ZNF135: variants seen among roughly 807,000 people sequenced by gnomAD.
ZNF135 encodes the protein zinc finger protein 135 (clone pHZ-17).
Under a neutral mutation model 12.3 loss-of-function variants are expected in ZNF135, and 11 were observed. The ratio of observed to expected loss-of-function variants is 0.89; its 90% CI spans 0.56 to 1.48. ZNF135 has a LOEUF of 1.48. ZNF135 is among the 40% of genes most tolerant of loss of function. The pLI is 0.00. For missense variants in ZNF135, 722 were observed against 815.7 expected (o/e 0.89, Z 1.40); for synonymous variants, 316 against 312.0 (o/e 1.01, Z -0.14).
chr19:58,062,607 G>C (rs10409766), intron 3 of ZNF135, among the ~76,000 whole-genome samples: 4,139 of 150,372 alleles, frequency 0.028, 151 homozygotes, highest in African/African-American at 0.094. Context: ...TAGCCAGGAT[G>C]GTCTCGATCT....
In ZNF135 at chr19:58,065,148, A is replaced by G. The variant is rs955172759; in HGVS notation, c.257-1593A>G. ...ATAATAAAGATGTCAGCAGGGCATC[A>G]TTCCTTCTGGAGGCTCTAGGGAAGG... On this transcript the variant is annotated intron_variant, in intron 4 of 4. Transcript: ENST00000313434. The surrounding 1 kb of genome is among the most constrained non-coding windows in gnomAD (Gnocchi z 4.0). 6.6e-6 allele frequency among the ~76,000 whole-genome samples: 1 copy of G among 152,200 alleles called. No individual in the cohort carries two copies. The highest frequency in any genetic ancestry group is 1.5e-5 in the Non-Finnish European group (1 of 68,028).
Position 58,063,337 on chromosome 19 carries a change from CAG to C in ZNF135, c.161-108_161-107del, listed in dbSNP as rs1491173021. On this transcript the variant is annotated intron_variant, in intron 3 of 4. Transcript: ENST00000313434. This position sits in a 1 kb window ranked among gnomAD's most constrained non-coding sequence, Gnocchi z 4.4. The stretch of plus-strand genomic sequence containing the variant: ...TGTGGGTATGACAGCTGAAGTCACT[CAG>C]GGGTCCCCAGCCATCTGGGACCTGG... The C allele has an allele frequency of 5.3e-6, 8 of 1,501,102 alleles. No individual in the cohort carries two copies. Among genetic ancestry groups the C allele is most frequent in the Non-Finnish European group, 5.4e-6 (6 of 1,119,812 alleles). The allele number at this position is 1,501,102 out of a possible 1,614,324, so 93.0% of individuals were successfully genotyped here.
Position 58,067,976 on chromosome 19 carries a change from G to A in ZNF135, c.1492G>A (p.Asp498Asn), listed in dbSNP as rs1421298108. The A allele has an allele frequency of 1.2e-6, 2 of 1,613,782 alleles. No individual in the cohort carries two copies. Among genetic ancestry groups the A allele is most frequent in the Non-Finnish European group, 1.7e-6 (2 of 1,179,964 alleles). The change falls in exon 5 of 5, where the codon GAC (aspartate) becomes AAC (asparagine). Residue 498 changes from aspartate to asparagine, a missense_variant. Transcript: ENST00000313434. ...HTGEKPYECN[D>N]CGKAFSHSSS... The stretch of plus-strand genomic sequence containing the variant: ...AGGGGAGAAGCCCTATGAATGCAAT[G>A]ACTGCGGCAAGGCATTCAGTCACAG...
At position 58,060,503 on chromosome 19, in the gene ZNF135, G is replaced by A; in HGVS notation, c.33+468G>A. 1 of 993,330 alleles carries A rather than the reference G, an allele frequency of 1.0e-6. No homozygotes were observed. The highest frequency in any genetic ancestry group is 4.8e-4 in the Middle Eastern group (1 of 2,070). 61.5% of individuals were successfully genotyped at this position (993,330 alleles called of 1,614,324 possible). On this transcript the variant is annotated intron_variant, in intron 2 of 4. Coordinates refer to ENST00000313434, the MANE Select transcript of ZNF135 (RefSeq NM_001289401.2). The surrounding 1 kb of genome is among the most constrained non-coding windows in gnomAD (Gnocchi z 4.9). ...AGAAAATTGTAGGTGCCCCGGCTCTGCAGTCTGAAGTTGAAGGCCTTAGCA... is the reference window on the plus strand; with the variant it reads ...AGAAAATTGTAGGTGCCCCGGCTCTACAGTCTGAAGTTGAAGGCCTTAGCA...
In ZNF135 at chr19:58,063,975, G is replaced by A. The variant is rs1431062549; in HGVS notation, c.256+434G>A. 6.6e-6 allele frequency among the ~76,000 whole-genome samples: 1 copy of A among 152,196 alleles called. No individual in the cohort carries two copies. Among genetic ancestry groups the A allele is most frequent in the Non-Finnish European group, 1.5e-5 (1 of 68,024 alleles). On this transcript the variant is annotated intron_variant, in intron 4 of 4. Transcript: ENST00000313434. The surrounding 1 kb of genome is among the most constrained non-coding windows in gnomAD (Gnocchi z 4.4). ...GTATTTCAGGCAGAGGAAACAGCAG[G>A]TGCAAAGGCCTGAAGTCATGCATCA...
intron 4 of ZNF135, among the ~76,000 whole-genome samples, chr19:58,064,713 CTACAAAAAAAAAA>C (rs2074037609): frequency 9.7e-6 from 1 of 102,810 alleles, no homozygotes; most frequent in Non-Finnish European, 2.1e-5. Flanking sequence ...AACCCCGTCT[CTACAAAAAAAAAA>C]TACAAAAAAA....
intron 4 of ZNF135, among the ~76,000 whole-genome samples, chr19:58,066,494 CTCCTCTTCCTTTCCTTATTCTGTTCTT>C (rs1599929430): frequency 6.6e-6 from 1 of 152,298 alleles, no homozygotes; most frequent in African/African-American, 2.4e-5. Flanking sequence ...TTTCCTCCCT[CTCCTCTTCCTTTCCTTATTCTGTTCTT>C]TCCTCTTCCT....
chr19:58,066,929 T>C lies in ZNF135; in HGVS notation c.445T>C (p.Phe149Leu). 6.2e-7 allele frequency: 1 copy of C among 1,614,194 alleles called. No homozygotes were observed. Residue 149 changes from phenylalanine to leucine, a missense_variant, in exon 5 of 5, where the codon TTC (phenylalanine) becomes CTC (leucine). Phe to Leu is a conservative substitution (Grantham distance 22). Transcript: ENST00000313434. ...SLESLAVPVAFTPVKTPVLEQ... is the reference protein window; with the variant it reads ...SLESLAVPVALTPVKTPVLEQ... ...AGAGAGCCTGGCAGTGCCGGTGGCC[T>C]TCACGCCTGTGAAGACGCCTGTTCT...
chr19:58,067,161 G>A lies in ZNF135; in HGVS notation c.677G>A (p.Ser226Asn), dbSNP rs1490304004. 4 of 1,614,094 alleles carry A rather than the reference G, an allele frequency of 2.5e-6. No individual in the cohort carries two copies. Among genetic ancestry groups the A allele is most frequent in the Non-Finnish European group, 3.4e-6 (4 of 1,180,034 alleles). ...GAATGCGGAAAGGCCTTTAGTCACA[G>A]CTCAGCACTTATCGAACACCACCGG... ...CQECGKAFSH[S>N]SALIEHHRTH... The change falls in exon 5 of 5, where the codon AGC becomes AAC. Residue 226 changes from serine to asparagine, a missense_variant. By Grantham distance (46) the Ser-to-Asn change is conservative. Coordinates refer to ENST00000313434, the MANE Select transcript of ZNF135 (RefSeq NM_001289401.2).
chr19:58,060,303 GT>G lies in ZNF135; in HGVS notation c.33+269del, dbSNP rs2073953353. The G allele has an allele frequency of 7.3e-7, 1 of 1,366,298 alleles. No homozygotes were observed. Among genetic ancestry groups the G allele is most frequent in the Non-Finnish European group, 9.5e-7 (1 of 1,054,594 alleles). The allele number at this position is 1,366,298 out of a possible 1,614,324, so 84.6% of individuals were successfully genotyped here. The stretch of plus-strand genomic sequence containing the variant: ...ATTTGCACATCTAGCCTCTACTCGT[GT>G]CCGGCCTCTACCTGCACACCCGGCC... On this transcript the variant is annotated intron_variant, in intron 2 of 4. Coordinates refer to ENST00000313434, the MANE Select transcript of ZNF135 (RefSeq NM_001289401.2). The surrounding 1 kb of genome is among the most constrained non-coding windows in gnomAD (Gnocchi z 4.9).
rs756356619 is a variant in ZNF135 at position 58,059,288 on chromosome 19, G to T, written c.-57G>T. On this transcript the variant is annotated 5_prime_UTR_variant, in exon 1 of 5. Transcript: ENST00000313434. This position sits in a 1 kb window ranked among gnomAD's most constrained non-coding sequence, Gnocchi z 6.5. ...CGCAGTGTCGGCTGCCGGTGCCGCG[G>T]CCTTTGTCTCGCAGTCAGGAGGGTG... 1.9e-6 allele frequency: 3 copies of T among 1,567,960 alleles called. No homozygotes were observed. The South Asian group carries it at 3.3e-5, about 18-fold the overall frequency.
Position 58,068,396 on chromosome 19 carries a change from G to T in ZNF135, c.1912G>T (p.Asp638Tyr), listed in dbSNP as rs1195790587. Reference protein sequence around the residue: ...HTGEKPYACRDCGKAFTHSSS... With the variant: ...HTGEKPYACRYCGKAFTHSSS... Reference sequence around the variant, plus strand: ...AGGAGAGAAGCCATATGCATGCAGGGACTGTGGAAAGGCCTTTACCCACAG... The same window carrying T: ...AGGAGAGAAGCCATATGCATGCAGGTACTGTGGAAAGGCCTTTACCCACAG... The change falls in exon 5 of 5, where the codon GAC becomes TAC. Residue 638 changes from aspartate to tyrosine, a missense_variant. Physicochemically the swap from Asp to Tyr is radical, Grantham distance 160. Coordinates refer to ENST00000313434, the MANE Select transcript of ZNF135 (RefSeq NM_001289401.2). The T allele has an allele frequency of 2.5e-6, 4 of 1,614,056 alleles. No individual in the cohort carries two copies. The highest frequency in any genetic ancestry group is 1.7e-5 in the Admixed American group (1 of 60,004).
In ZNF135 at chr19:58,067,397, A is replaced by G. The variant is rs372975412; in HGVS notation, c.913A>G (p.Lys305Glu). 1 of 1,614,046 alleles carries G rather than the reference A, an allele frequency of 6.2e-7. No homozygotes were observed. Among genetic ancestry groups the G allele is most frequent in the Non-Finnish European group, 8.5e-7 (1 of 1,180,000 alleles). Residue 305 changes from lysine to glutamate, a missense_variant, in exon 5 of 5, where the codon AAA becomes GAA. Lys to Glu is a moderately conservative substitution (Grantham distance 56). Transcript: ENST00000313434. ...EKPYECSECGKSFSFRSSFSQ... is the reference protein window; with the variant it reads ...EKPYECSECGESFSFRSSFSQ... Reference sequence around the variant, plus strand: ...GCCCTATGAATGCAGCGAATGTGGGAAATCCTTCAGTTTTAGGTCCTCCTT... The same window carrying G: ...GCCCTATGAATGCAGCGAATGTGGGGAATCCTTCAGTTTTAGGTCCTCCTT...
Position 58,065,644 on chromosome 19 carries a change from G to A in ZNF135, c.257-1097G>A, listed in dbSNP as rs1409727208. Among the ~76,000 whole-genome samples the A allele has an allele frequency of 6.6e-6, 1 of 151,984 alleles. No individual in the cohort carries two copies. Among genetic ancestry groups the A allele is most frequent in the Non-Finnish European group, 1.5e-5 (1 of 68,004 alleles). ...CCTTCTGCCTTTTTTCCCCATTTAA[G>A]GACCCTCGTGATTACACAGGTCCAC... On this transcript the variant is annotated intron_variant, in intron 4 of 4. Transcript: ENST00000313434. The surrounding 1 kb of genome is among the most constrained non-coding windows in gnomAD (Gnocchi z 4.0).
In ZNF135 at chr19:58,059,749, G is replaced by A; in HGVS notation, c.-34-220G>A. 1.7e-6 allele frequency: 1 copy of A among 600,502 alleles called. No individual in the cohort carries two copies. The highest frequency in any genetic ancestry group is 2.9e-6 in the Non-Finnish European group (1 of 346,816). 37.2% of individuals were successfully genotyped at this position (600,502 alleles called of 1,614,324 possible). A position where few individuals can be genotyped will look rare whatever the true frequency, so the allele number is the denominator to read the frequency against. On this transcript the variant is annotated intron_variant, in intron 1 of 4. Coordinates refer to ENST00000313434, the MANE Select transcript of ZNF135 (RefSeq NM_001289401.2). The surrounding 1 kb of genome is among the most constrained non-coding windows in gnomAD (Gnocchi z 6.5). ...GAGTCTGCGCAGCAGATATGTGTCC[G>A]CACCCGCCAGGCCTTCAGCTTCCCT... is the stretch of plus-strand genomic sequence containing the variant.
At position 58,059,380 on chromosome 19, in the gene ZNF135, CG is replaced by C; in HGVS notation, c.-35+74del. ...CGGGCCGGGCCGGGTGCGGGGGGTC[CG>C]GGGATCTTCCTGAGGCCCTGGCGGG... On this transcript the variant is annotated intron_variant, in intron 1 of 4. Transcript: ENST00000313434. The surrounding 1 kb of genome is among the most constrained non-coding windows in gnomAD (Gnocchi z 6.5). The C allele has an allele frequency of 8.7e-6, 4 of 462,352 alleles. No individual in the cohort carries two copies. The highest frequency in any genetic ancestry group is 1.0e-5 in the Non-Finnish European group (3 of 296,536). The allele number at this position is 462,352 out of a possible 1,614,324, so 28.6% of individuals were successfully genotyped here. A position where few individuals can be genotyped will look rare whatever the true frequency, so the allele number is the denominator to read the frequency against.
chr19:58,063,794 T>G lies in ZNF135; in HGVS notation c.256+253T>G. 2 of 790,472 alleles carry G rather than the reference T, an allele frequency of 2.5e-6. No individual in the cohort carries two copies. The highest frequency in any genetic ancestry group is 3.1e-6 in the Non-Finnish European group (2 of 652,126). The allele number at this position is 790,472 out of a possible 1,614,324, so 49.0% of individuals were successfully genotyped here. On this transcript the variant is annotated intron_variant, in intron 4 of 4. Coordinates refer to ENST00000313434, the MANE Select transcript of ZNF135 (RefSeq NM_001289401.2). This position sits in a 1 kb window ranked among gnomAD's most constrained non-coding sequence, Gnocchi z 4.4. Reference sequence around the variant, plus strand: ...ATAATAATAAAACAAGTTGGATGATTACAGATTGTGATGAATGCCGAGAAA... The same window carrying G: ...ATAATAATAAAACAAGTTGGATGATGACAGATTGTGATGAATGCCGAGAAA...
intron 4 of ZNF135, among the ~76,000 whole-genome samples, chr19:58,064,151 C>G (rs1332102872): frequency 6.6e-6 from 1 of 152,166 alleles, no homozygotes; most frequent in Admixed American, 6.5e-5. Context: ...TATCCCAGCC[C>G]ACTGACAGGC....
Position 58,059,897 on chromosome 19 carries a change from C to T in ZNF135, c.-34-72C>T. Reference sequence around the variant, plus strand: ...CTCCGCGGAGCTCCCCAGGCTCTGGCGCAGTTCCCCGGCTTGGGGACCTGA... The same window carrying T: ...CTCCGCGGAGCTCCCCAGGCTCTGGTGCAGTTCCCCGGCTTGGGGACCTGA... On this transcript the variant is annotated intron_variant, in intron 1 of 4. Transcript: ENST00000313434. This position sits in a 1 kb window ranked among gnomAD's most constrained non-coding sequence, Gnocchi z 6.5. 1.9e-6 allele frequency: 3 copies of T among 1,568,684 alleles called. No individual in the cohort carries two copies. Among genetic ancestry groups the T allele is most frequent in the South Asian group, 1.1e-5 (1 of 88,162 alleles).
Sources: allele counts gnomAD v4.1 joint callset (sites outside exome capture counted in the v4.1 genomes callset), GRCh38; gene constraint gnomAD v4.1.1; non-coding constraint Gnocchi (gnomAD v3.1); transcripts MANE v1.5; gene names NCBI Gene and HGNC (gene_info 2026-07-23, HGNC 2026-07-21).